FBF1: variants seen among roughly 807,000 people sequenced by gnomAD.
FBF1 encodes the protein fas-binding factor 1.
In FBF1, 119 loss-of-function variants were observed where a neutral mutation model predicts 147.2. The observed-to-expected ratio is 0.81, with a 90% CI of 0.70 to 0.94. The LOEUF (loss-of-function observed/expected upper bound fraction) is 0.94. Ranked by LOEUF, FBF1 falls within the 40% of genes least tolerant of loss-of-function variation. The pLI is 0.00. For synonymous variants in FBF1, 601 were observed against 609.0 expected (o/e 0.99, Z 0.19); for missense variants, 1,449 against 1,500.8 (o/e 0.97, Z 0.57).
rs1013745877 is a variant in FBF1, at chr17:75,919,058, C to T, written c.2138+610G>A. 6.6e-6 allele frequency among the ~76,000 whole-genome samples: 1 copy of T among 151,996 alleles called. No homozygotes were observed. Among genetic ancestry groups the T allele is most frequent in the African/African-American group, 2.4e-5 (1 of 41,390 alleles). On this transcript the variant is annotated intron_variant, in intron 20 of 29. Transcript: ENST00000636174. This position sits in a 1 kb window ranked among gnomAD's most constrained non-coding sequence, Gnocchi z 5.0. ...CAAGTAGCTGGAACTACAGGAGTAG[C>T]TGTCATGCCAGCTTATTTAAAAATT...
intron 5 of FBF1, among the ~76,000 whole-genome samples, chr17:75,932,406 A>G (rs1181729636): frequency 6.6e-6 from 1 of 151,860 alleles, no homozygotes; most frequent in African/African-American, 2.4e-5. Context: ...ATAAATAAAT[A>G]AATAAACAAA....
Position 75,931,249 on chromosome 17 carries a change from G to A in FBF1, c.208C>T (p.Leu70=). The A allele has an allele frequency of 6.3e-7, 1 of 1,580,424 alleles. No homozygotes were observed. The highest frequency in any genetic ancestry group is 8.6e-7 in the Non-Finnish European group (1 of 1,163,268). ...CTCACCTCAGCATCAGCTTCTTCCA[G>A]GCCTGCCATGGTGCTGAAGACATCA... The part of the protein sequence containing the change: ...GDDVFSTMAG[L]EEADAEVSGI... The change falls in exon 6 of 30, where the codon CTG becomes TTG. Residue 70 remains leucine, a synonymous_variant. Transcript: ENST00000636174.
rs2065506758 is a variant in FBF1, at chr17:75,919,003, G to A, written c.2138+665C>T. Among the ~76,000 whole-genome samples the A allele has an allele frequency of 6.6e-6, 1 of 151,960 alleles. No homozygotes were observed. The highest frequency in any genetic ancestry group is 6.6e-5 in the Admixed American group (1 of 15,236). On this transcript the variant is annotated intron_variant, in intron 20 of 29. Transcript: ENST00000636174. The surrounding 1 kb of genome is among the most constrained non-coding windows in gnomAD (Gnocchi z 5.0). ...AGCTCATTGCAGCCCTGATCTCTTG[G>A]GCTGAAGGTATCCTCCTGCCTCAGT...
rs1165014021 is a variant in FBF1 at position 75,910,401 on chromosome 17, A to G, written c.*322T>C. 1 of 371,996 alleles carries G rather than the reference A, an allele frequency of 2.7e-6. No individual in the cohort carries two copies. Among genetic ancestry groups the G allele is most frequent in the Non-Finnish European group, 5.0e-6 (1 of 200,634 alleles). 23.0% of individuals were successfully genotyped at this position (371,996 alleles called of 1,614,324 possible). A position where few individuals can be genotyped will look rare whatever the true frequency, so the allele number is the denominator to read the frequency against. ...CCTGTGGAGCAGGGGGAGCCCACAG[A>G]GCCCAGGGGGAGCCCACAGAGCCCA... On this transcript the variant is annotated 3_prime_UTR_variant, in exon 30 of 30. Coordinates refer to ENST00000636174, the MANE Select transcript of FBF1 (RefSeq NM_001319193.2). This position sits in a 1 kb window ranked among gnomAD's most constrained non-coding sequence, Gnocchi z 4.1.
Position 75,926,151 on chromosome 17 carries a change from GC to G in FBF1, c.746del (p.Arg249ProfsTer33). ...KRQIGDQEGP[R>X]PARSTLDELL... is the part of the protein sequence containing the mutation. ...GCTCATCCAGCGTGGAGCGAGCAGG[GC>G]GAGGCCCTTCCCTGCAGGACGGGAC... On this transcript the variant is annotated frameshift_variant, in exon 12 of 30. Coordinates refer to ENST00000636174, the MANE Select transcript of FBF1 (RefSeq NM_001319193.2). LOFTEE classifies it high-confidence loss of function. The G allele has an allele frequency of 6.2e-7, 1 of 1,608,832 alleles. No homozygotes were observed. Among genetic ancestry groups the G allele is most frequent in the African/African-American group, 1.3e-5 (1 of 75,018 alleles).
intron 9 of FBF1, 128 bp downstream of exon 9, chr17:75,927,327 C>T (rs776078102): frequency 2.7e-6 from 2 of 729,964 alleles, no homozygotes; most frequent in Non-Finnish European, 2.3e-6. Flanking sequence ...GACATGAATT[C>T]ACGAGGAAGT....
Position 75,910,734 on chromosome 17 carries a change from G to A in FBF1, c.3436C>T (p.His1146Tyr), listed in dbSNP as rs761504202. 55 of 1,609,388 alleles carry A rather than the reference G, an allele frequency of 3.4e-5. No homozygotes were observed. Among genetic ancestry groups the A allele is most frequent in the Non-Finnish European group, 4.5e-5 (53 of 1,178,146 alleles). ...GGCTGGGGTCCCACTCAGGCTGAAT[G>A]AGATGTCAAATTGTAGGACCCTTTC... ...LKKGSYNLTSHSA is the reference protein window; with the variant it reads ...LKKGSYNLTSYSA Residue 1146 changes from histidine to tyrosine, a missense_variant, in exon 30 of 30, where the codon CAT (histidine) becomes TAT (tyrosine). By Grantham distance (83) the His-to-Tyr change is moderately conservative (BLOSUM62 2). Coordinates refer to ENST00000636174, the MANE Select transcript of FBF1 (RefSeq NM_001319193.2). The surrounding 1 kb of genome is among the most constrained non-coding windows in gnomAD (Gnocchi z 4.1).
At position 75,928,206 on chromosome 17, in the gene FBF1, G is replaced by A. The variant is rs748003573; in HGVS notation, c.280-13C>T. 1.2e-6 allele frequency: 2 copies of A among 1,610,844 alleles called. No homozygotes were observed. The highest frequency in any genetic ancestry group is 1.7e-6 in the Non-Finnish European group (2 of 1,177,166). On this transcript the variant is annotated splice_polypyrimidine_tract_variant and intron_variant, in intron 7 of 29. Transcript: ENST00000636174. This position sits in a 1 kb window ranked among gnomAD's most constrained non-coding sequence, Gnocchi z 4.2. ...TGCCGTCCAGGTCCTAGAAAACCAG[G>A]GAGGGAGGGCAGAGGACTATGTCTG...
Position 75,920,447 on chromosome 17 carries a change from A to G in FBF1, c.1675-18T>C. 6.3e-7 allele frequency: 1 copy of G among 1,591,512 alleles called. No individual in the cohort carries two copies. The highest frequency in any genetic ancestry group is 2.3e-5 in the East Asian group (1 of 44,280). ...AGCAGGGGCTGGAGGAGAGGAAGAG[A>G]GGTGTTTCTAGTTAGGGAGGGGACA... On this transcript the variant is annotated intron_variant, in intron 17 of 29. Transcript: ENST00000636174.
chr17:75,939,154 G>T (rs2144204157), intron 1 of FBF1, among the ~76,000 whole-genome samples: 1 of 151,946 alleles, frequency 6.6e-6, no homozygotes. Flanking sequence ...AAATTAGCTG[G>T]GCATGGTGGC....
intron 18 of FBF1, 28 bp from the exon 19 acceptor site, chr17:75,920,135 C>T (rs2065515848): frequency 6.3e-7 from 1 of 1,581,824 alleles, no homozygotes; most frequent in Non-Finnish European, 8.6e-7. Flanking sequence ...GGCCAGCAAC[C>T]AGGGAGGGGA....
rs1467838451 is a variant in FBF1, at chr17:75,926,785, T to G, written c.568A>C (p.Lys190Gln). Residue 190 changes from lysine to glutamine, a missense_variant, in exon 10 of 30, where the codon AAG becomes CAG. Transcript: ENST00000636174. ...TGATCTCTCACTGTGCTGGGGCTCT[T>G]GTCAGAAGCTGTTTTACTCTGTGTC... ...PVTQSKTASDKSPSTVRDQGP... is the reference protein window; with the variant it reads ...PVTQSKTASDQSPSTVRDQGP... 1 of 1,613,752 alleles carries G rather than the reference T, an allele frequency of 6.2e-7. No homozygotes were observed. The highest frequency in any genetic ancestry group is 1.3e-5 in the African/African-American group (1 of 74,952).
At chr17:75,915,255 G>T in intron 23 of FBF1, 116 bp from the exon 24 acceptor site, 2 of 1,414,998 alleles carry the variant, frequency 1.4e-6, no homozygotes, top group Non-Finnish European at 9.3e-7. Flanking sequence ...CCACTGACAC[G>T]TCCTTCCCAA....
At position 75,926,057 on chromosome 17, in the gene FBF1, G is replaced by T. The variant is rs376674979; in HGVS notation, c.841C>A (p.Leu281Ile). 6.2e-7 allele frequency: 1 copy of T among 1,612,236 alleles called. No individual in the cohort carries two copies. The highest frequency in any genetic ancestry group is 1.1e-5 in the South Asian group (1 of 90,988). The stretch of plus-strand genomic sequence containing the variant: ...TGTGGCCTCTGGTACTTCTTGTCTA[G>T]CTTGAACTCCCTGTGCTCCCCGGTG... ...PGTGEHREFK[L>I]DKKYQRPQDS... Residue 281 changes from leucine (L) to isoleucine (I), a missense_variant, in exon 12 of 30, where the codon CTA (leucine) becomes ATA (isoleucine). Coordinates refer to ENST00000636174, the MANE Select transcript of FBF1 (RefSeq NM_001319193.2).
At chr17:75,924,453 C>G (rs1006278429) in intron 13 of FBF1, among the ~76,000 whole-genome samples, 4 of 152,168 alleles carry the variant, frequency 2.6e-5, no homozygotes, top group African/African-American at 9.7e-5. Context: ...ATGAGAGGGG[C>G]TCCTGGTGCT....
At chr17:75,933,527 C>T (rs1380611779) in intron 4 of FBF1, among the ~76,000 whole-genome samples, 12 of 151,944 alleles carry the variant, frequency 7.9e-5, no homozygotes, top group Non-Finnish European at 8.8e-5. Flanking sequence ...GCTGAAATTG[C>T]GCCACTGCAC....
In FBF1 at chr17:75,930,586, C is replaced by G. The variant is rs145312424; in HGVS notation, c.229-539G>C. Among the ~76,000 whole-genome samples the G allele has an allele frequency of 5.7e-3, 865 of 152,218 alleles. 10 individuals carry two copies. The highest frequency in any genetic ancestry group is 0.019 in the African/African-American group (809 of 41,532). ...GCCAGCCTGGCCAATGTGGTGAAAC[C>G]CCGTCTCTACTAAAAATACAAAATT... On this transcript the variant is annotated intron_variant, in intron 6 of 29. Transcript: ENST00000636174.
At chr17:75,938,846 C>A (rs1215148094) in intron 1 of FBF1, among the ~76,000 whole-genome samples, 2 of 145,876 alleles carry the variant, frequency 1.4e-5, no homozygotes, top group Non-Finnish European at 3.0e-5. Context: ...GCCTGGGCAA[C>A]AGAGCAAGAC....
chr17:75,920,377 T>C lies in FBF1; in HGVS notation c.1727A>G (p.Gln576Arg), dbSNP rs922806161. Residue 576 changes from glutamine to arginine, a missense_variant, in exon 18 of 30, where the codon CAG becomes CGG. Coordinates refer to ENST00000636174, the MANE Select transcript of FBF1 (RefSeq NM_001319193.2). ...CACCTGTGCTGCCAGGAGCTGCTTC[T>C]GGTATTCTGTGCTCGGCAGCAGGCT... ...ARSLLPSTEY[Q>R]KQLLAAQVQL... is the part of the protein sequence containing the mutation. 6.2e-7 allele frequency: 1 copy of C among 1,605,768 alleles called. No homozygotes were observed. Among genetic ancestry groups the C allele is most frequent in the African/African-American group, 1.3e-5 (1 of 74,798 alleles).
Sources: gnomAD v4.1 joint callset for allele counts (sites outside exome capture counted in the v4.1 genomes callset) on GRCh38, gnomAD v4.1.1 for gene constraint, Gnocchi (gnomAD v3.1) non-coding constraint, MANE v1.5 for transcripts, NCBI Gene and HGNC (gene_info 2026-07-23, HGNC 2026-07-21) for gene names.